QTMAN: variants seen among roughly 807,000 people sequenced by gnomAD.
The protein encoded by QTMAN is queuosine-tRNA mannosyltransferase.
the QTMAN span, among the ~76,000 whole-genome samples, chr2:143,968,107 T>C: frequency 6.6e-6 from 1 of 152,130 alleles, no homozygotes; most frequent in Non-Finnish European, 1.5e-5. Context: ...AGCTCTTTCA[T>C]CCATTCCACA....
At chr2:144,192,957 C>T in the QTMAN span, among the ~76,000 whole-genome samples, 1 of 152,144 alleles carries the variant, frequency 6.6e-6, no homozygotes, top group South Asian at 2.1e-4. Context: ...GAAATATCAT[C>T]ATGTGCAGAC....
At chr2:144,186,249 A>G in the QTMAN span, among the ~76,000 whole-genome samples, 1 of 152,204 alleles carries the variant, frequency 6.6e-6, no homozygotes. Flanking sequence ...ATTATGCTAC[A>G]ATCTGAAGGT....
At chr2:144,131,106 G>GA in the QTMAN span, among the ~76,000 whole-genome samples, 1 of 151,762 alleles carries the variant, frequency 6.6e-6, no homozygotes, top group Non-Finnish European at 1.5e-5. Context: ...TATGTCAAAC[G>GA]AAAGGGCAAA....
chr2:144,125,830 C>T, the QTMAN span, among the ~76,000 whole-genome samples: 2 of 151,952 alleles, frequency 1.3e-5, no homozygotes, highest in African/African-American at 4.8e-5. Context: ...TATGAATATT[C>T]TGCCAAAGAA....
the QTMAN span, among the ~76,000 whole-genome samples, chr2:144,301,847 T>G: frequency 6.6e-6 from 1 of 152,198 alleles, no homozygotes; most frequent in Non-Finnish European, 1.5e-5. Context: ...ATCTTTTCAG[T>G]GCCAGCACGG....
chr2:144,098,555 A>C, the QTMAN span, among the ~76,000 whole-genome samples: 1 of 151,966 alleles, frequency 6.6e-6, no homozygotes, highest in Non-Finnish European at 1.5e-5. Context: ...TCTCTACTAA[A>C]ATACAAAAAA....
At chr2:144,029,373 GC>G in the QTMAN span, among the ~76,000 whole-genome samples, 1 of 152,040 alleles carries the variant, frequency 6.6e-6, no homozygotes, top group African/African-American at 2.4e-5. Flanking sequence ...GCTCTAAATA[GC>G]CCCATTGAAT....
At chr2:143,943,439 T>G in the QTMAN span, 6 of 152,154 alleles carry the variant, frequency 3.9e-5, no homozygotes, top group Non-Finnish European at 7.4e-5. Flanking sequence ...AGACCCACAG[T>G]GTATGTCAGC....
At chr2:144,155,747 A>G in the QTMAN span, among the ~76,000 whole-genome samples, 1 of 152,194 alleles carries the variant, frequency 6.6e-6, no homozygotes, top group Admixed American at 6.5e-5. Context: ...CTTGAGGCGC[A>G]AGCCTGAGAA....
the QTMAN span, among the ~76,000 whole-genome samples, chr2:144,332,230 C>T: frequency 6.6e-6 from 1 of 151,720 alleles, no homozygotes; most frequent in Non-Finnish European, 1.5e-5. Flanking sequence ...GGGAGCGCAG[C>T]GCGTGCGCCC....
At chr2:144,042,443 A>G in the QTMAN span, among the ~76,000 whole-genome samples, 1 of 152,078 alleles carries the variant, frequency 6.6e-6, no homozygotes, top group South Asian at 2.1e-4. Flanking sequence ...AGAGGAGAGG[A>G]ATAAAAGCTC....
At chr2:144,056,936 A>C in the QTMAN span, among the ~76,000 whole-genome samples, 5 of 152,234 alleles carry the variant, frequency 3.3e-5, no homozygotes, top group South Asian at 4.1e-4. Context: ...TAGCAAAACT[A>C]TCTCTCTCAA....
the QTMAN span, among the ~76,000 whole-genome samples, chr2:144,111,076 T>C: frequency 6.6e-6 from 1 of 152,218 alleles, no homozygotes; most frequent in Non-Finnish European, 1.5e-5. Flanking sequence ...TTCACCCTAC[T>C]GTGTTATGTA....
chr2:144,089,653 G>T, the QTMAN span, among the ~76,000 whole-genome samples: 1 of 151,944 alleles, frequency 6.6e-6, no homozygotes, highest in African/African-American at 2.4e-5. Flanking sequence ...ACATGGAACT[G>T]GAGGTCTCTC....
the QTMAN span, among the ~76,000 whole-genome samples, chr2:144,232,647 T>C: frequency 6.6e-6 from 1 of 152,196 alleles, no homozygotes; most frequent in Non-Finnish European, 1.5e-5. Context: ...GACTATTAAC[T>C]GTTCTTATCT....
At chr2:144,262,816 G>A in the QTMAN span, among the ~76,000 whole-genome samples, 3 of 83,446 alleles carry the variant, frequency 3.6e-5, no homozygotes, top group African/African-American at 1.5e-4. Flanking sequence ...GGGAGGAGAG[G>A]GGAGAGGGGA....
chr2:143,999,706 G>A, the QTMAN span, among the ~76,000 whole-genome samples: 4 of 152,172 alleles, frequency 2.6e-5, no homozygotes, highest in African/African-American at 7.2e-5. Flanking sequence ...GTAAGAATCT[G>A]ATCAAAAGAA....
chr2:144,031,859 C>A, the QTMAN span, among the ~76,000 whole-genome samples: 162 of 152,046 alleles, frequency 1.1e-3, 1 homozygote, highest in African/African-American at 3.6e-3. Flanking sequence ...TGGGTTCAAG[C>A]GAGTCTCCTG....
the QTMAN span, among the ~76,000 whole-genome samples, chr2:144,059,635 C>A: frequency 6.6e-6 from 1 of 152,168 alleles, no homozygotes. Flanking sequence ...TCATGCCTCA[C>A]CCCTATCCAA....
Sources: gnomAD v4.1 joint callset for allele counts (sites outside exome capture counted in the v4.1 genomes callset) on GRCh38, gnomAD v4.1.1 for gene constraint, MANE v1.5 for transcripts, NCBI Gene and HGNC (gene_info 2026-07-23, HGNC 2026-07-21) for gene names.